Variants in CARMIL2 observed in about 807,000 individuals in gnomAD.
CARMIL2 encodes the protein capping protein, Arp2/3 and myosin-I linker protein 2.
CARMIL2 carries 96 observed loss-of-function variants against 173.3 expected under a neutral mutation model. The ratio of observed to expected loss-of-function variants is 0.55; its 90% CI spans 0.47 to 0.66. CARMIL2 has a LOEUF of 0.66. Ranked by LOEUF, CARMIL2 falls within the 30% of genes least tolerant of loss-of-function variation. CARMIL2 has a pLI of 0.00. For synonymous variants in CARMIL2, 830 were observed against 817.1 expected, an observed-to-expected ratio of 1.02 and a Z score of -0.27; for missense variants, 1,771 against 1,906.7, an observed-to-expected ratio of 0.93 and a Z score of 1.33.
rs758142129 is a variant in CARMIL2, at chr16:67,654,337, C to A, written c.3227C>A (p.Ala1076Asp). 1.3e-6 allele frequency: 2 copies of A among 1,590,806 alleles called. No homozygotes were observed. Among genetic ancestry groups the A allele is most frequent in the South Asian group, 2.3e-5 (2 of 87,540 alleles). ...ACTGCTGGGTGTCCCCACAGCTGGG[C>A]CCCCGAGGAGGACCCGGCCACTGAG... ...KRLIQQDRLW[A>D]PEEDPATEGG... The change falls in exon 31 of 38, where the codon GCC becomes GAC. Residue 1076 changes from alanine (A) to aspartate (D), a missense_variant. Around this residue, in one of 3 missense-constraint regions of CARMIL2, gnomAD observed 817 missense variants for 903.5 expected, o/e 0.90. Coordinates refer to ENST00000334583, the MANE Select transcript of CARMIL2 (RefSeq NM_001013838.3).
In CARMIL2 at chr16:67,654,142, C is replaced by T. The variant is rs1205185731; in HGVS notation, c.3121-7C>T. On this transcript the variant is annotated splice_region_variant and splice_polypyrimidine_tract_variant and intron_variant, in intron 29 of 37. Transcript: ENST00000334583. ...ACCCTGACCCCTGACCCCATGATGCCCCCCAGGTACCCCCAGCCTTGCCGC... is the reference window on the plus strand; with the variant it reads ...ACCCTGACCCCTGACCCCATGATGCTCCCCAGGTACCCCCAGCCTTGCCGC... 6.5e-7 allele frequency: 1 copy of T among 1,544,644 alleles called. No homozygotes were observed. The highest frequency in any genetic ancestry group is 8.7e-7 in the Non-Finnish European group (1 of 1,144,302).
chr16:67,652,671 G>A lies in CARMIL2; in HGVS notation c.2884+133G>A. The A allele has an allele frequency of 2.3e-6, 2 of 872,506 alleles. No individual in the cohort carries two copies. Among genetic ancestry groups the A allele is most frequent in the Non-Finnish European group, 3.6e-6 (2 of 562,778 alleles). The allele number at this position is 872,506 out of a possible 1,614,324, so 54.0% of individuals were successfully genotyped here. A position where few individuals can be genotyped will look rare whatever the true frequency, so the allele number is the denominator to read the frequency against. On this transcript the variant is annotated intron_variant, in intron 28 of 37. Coordinates refer to ENST00000334583, the MANE Select transcript of CARMIL2 (RefSeq NM_001013838.3). This position sits in a 1 kb window ranked among gnomAD's most constrained non-coding sequence, Gnocchi z 4.7. ...ACCAGCCCTTGACTGGGCCAGGTCG[G>A]GCCCCTTGTGCAACCTGCAAAGCTG...
Position 67,657,175 on chromosome 16 carries a change from G to A in CARMIL2, c.4118-64G>A, listed in dbSNP as rs1473869402. ...TTATGTGCACTGGAGGTGGAAGAGA[G>A]GGGCAGGGGATGGACAGACCCCAAG... On this transcript the variant is annotated intron_variant, in intron 36 of 37. Coordinates refer to ENST00000334583, the MANE Select transcript of CARMIL2 (RefSeq NM_001013838.3). The surrounding 1 kb of genome is among the most constrained non-coding windows in gnomAD (Gnocchi z 4.5). 4.9e-6 allele frequency: 7 copies of A among 1,427,458 alleles called. No individual in the cohort carries two copies. Among genetic ancestry groups the A allele is most frequent in the African/African-American group, 1.4e-5 (1 of 71,040 alleles). 88.4% of individuals were successfully genotyped at this position (1,427,458 alleles called of 1,614,324 possible). A position where few individuals can be genotyped will look rare whatever the true frequency, so the allele number is the denominator to read the frequency against.
In CARMIL2 at chr16:67,647,674, C is replaced by G; in HGVS notation, c.872-6C>G. 3 of 1,600,346 alleles carry G rather than the reference C, an allele frequency of 1.9e-6. No homozygotes were observed. Among genetic ancestry groups the G allele is most frequent in the Non-Finnish European group, 2.6e-6 (3 of 1,174,492 alleles). ...GAGACCCACGTGGCTGTTCCCACCC[C>G]CCAAGGCATGACTGCACTCAGCAGA... On this transcript the variant is annotated splice_region_variant and splice_polypyrimidine_tract_variant and intron_variant, in intron 11 of 37. Coordinates refer to ENST00000334583, the MANE Select transcript of CARMIL2 (RefSeq NM_001013838.3).
At chr16:67,656,392 C>T (rs1326883002) in intron 34 of CARMIL2, 32 bp from the exon 35 acceptor site, 1 of 1,607,392 alleles carries the variant, frequency 6.2e-7, no homozygotes, top group Non-Finnish European at 8.5e-7. Flanking sequence ...CAATGCCTGA[C>T]CAGGTCTTGG....
chr16:67,648,081 C>A lies in CARMIL2; in HGVS notation c.1101C>A (p.Asn367Lys). The change falls in exon 14 of 38, where the codon AAC (asparagine) becomes AAA (lysine). Residue 367 changes from asparagine (N) to lysine (K), a missense_variant. Physicochemically the swap from Asn to Lys is moderately conservative, Grantham distance 94 (BLOSUM62 0). Coordinates refer to ENST00000334583, the MANE Select transcript of CARMIL2 (RefSeq NM_001013838.3). This position sits in a 1 kb window ranked among gnomAD's most constrained non-coding sequence, Gnocchi z 6.1. ...TCTATAGCTTCCTGAGCCGTCCTAA[C>A]GTACTGTCGTTCCTGAATCTCGCAG... The part of the protein sequence containing the change: ...GGLYSFLSRP[N>K]VLSFLNLAGT... 1 of 1,612,780 alleles carries A rather than the reference C, an allele frequency of 6.2e-7. No individual in the cohort carries two copies. Among genetic ancestry groups the A allele is most frequent in the Non-Finnish European group, 8.5e-7 (1 of 1,179,498 alleles).
Position 67,647,381 on chromosome 16 carries a change from TGA to T in CARMIL2, c.772_773del (p.Arg258GlyfsTer31). 6.4e-7 allele frequency: 1 copy of T among 1,573,814 alleles called. No individual in the cohort carries two copies. Among genetic ancestry groups the T allele is most frequent in the Non-Finnish European group, 8.6e-7 (1 of 1,159,542 alleles). On this transcript the variant is annotated frameshift_variant, in exon 10 of 38. Coordinates refer to ENST00000334583, the MANE Select transcript of CARMIL2 (RefSeq NM_001013838.3). LOFTEE classifies it high-confidence loss of function. ...GAGCTGGTGCTGGAGACCTGCAGCC[TGA>T]GGGGGTGAGGGGGACAGGGCAGGGC... is the stretch of plus-strand genomic sequence containing the variant.
In CARMIL2 at chr16:67,653,179, C is replaced by T; in HGVS notation, c.3045C>T (p.Pro1015=). ...TGGACCTGCCACTGGCGGGGCAGCC[C>T]CTGCGCCATCCGACCCGGGCCCGGC... ...PRMDLPLAGQ[P]LRHPTRARPR... Residue 1015 remains proline (P), a synonymous_variant, in exon 29 of 38, where the codon CCC becomes CCT. Coordinates refer to ENST00000334583, the MANE Select transcript of CARMIL2 (RefSeq NM_001013838.3). The surrounding 1 kb of genome is among the most constrained non-coding windows in gnomAD (Gnocchi z 7.4). The T allele has an allele frequency of 1.8e-6, 2 of 1,114,402 alleles. No individual in the cohort carries two copies. Among genetic ancestry groups the T allele is most frequent in the South Asian group, 8.6e-5 (2 of 23,374 alleles). The allele number at this position is 1,114,402 out of a possible 1,614,324, so 69.0% of individuals were successfully genotyped here.
rs774903676 is a variant in CARMIL2, at chr16:67,646,825, G to C, written c.537+41G>C. 2 of 1,612,510 alleles carry C rather than the reference G, an allele frequency of 1.2e-6. No homozygotes were observed. Among genetic ancestry groups the C allele is most frequent in the Admixed American group, 1.7e-5 (1 of 60,020 alleles). Reference sequence around the variant, plus strand: ...TTTTGAAGGGCTCTGGAGACATCTGGTCCCCCATGTGTGCTGAGCCCCTCC... The same window carrying C: ...TTTTGAAGGGCTCTGGAGACATCTGCTCCCCCATGTGTGCTGAGCCCCTCC... On this transcript the variant is annotated intron_variant, in intron 7 of 37. Coordinates refer to ENST00000334583, the MANE Select transcript of CARMIL2 (RefSeq NM_001013838.3). The surrounding 1 kb of genome is among the most constrained non-coding windows in gnomAD (Gnocchi z 4.6).
At position 67,647,196 on chromosome 16, in the gene CARMIL2, G is replaced by C. The variant is rs1210872017; in HGVS notation, c.687+5G>C. The C allele has an allele frequency of 6.2e-6, 10 of 1,613,732 alleles. No individual in the cohort carries two copies. The highest frequency in any genetic ancestry group is 8.5e-6 in the Non-Finnish European group (10 of 1,179,886). On this transcript the variant is annotated splice_donor_5th_base_variant and intron_variant, in intron 9 of 37. Transcript: ENST00000334583. ...TCCTGTGTGGACATGAAGCTGGTGA[G>C]GGGGTTCGGGGTAAGGGCAGGGAGG...
In CARMIL2 at chr16:67,654,782, G is replaced by A. The variant is rs199924683; in HGVS notation, c.3587G>A (p.Arg1196Gln). 36 of 1,613,372 alleles carry A rather than the reference G, an allele frequency of 2.2e-5. No individual in the cohort carries two copies. Among genetic ancestry groups the A allele is most frequent in the African/African-American group, 2.1e-4 (16 of 75,078 alleles). The part of the protein sequence containing the change: ...ATLGARPDKR[R>Q]PLERGETELA... ...CTCGAGCATCTCTGTCCCTAGCGGC[G>A]GCCCCTGGAGCGGGGAGAAACAGAA... The change falls in exon 32 of 38, where the codon CGG (arginine) becomes CAG (glutamine). Residue 1196 changes from arginine (R) to glutamine (Q), a missense_variant. Physicochemically the swap from Arg to Gln is conservative, Grantham distance 43. Transcript: ENST00000334583.
Position 67,651,557 on chromosome 16 carries a change from T to C in CARMIL2, c.2427+43T>C, listed in dbSNP as rs1305693285. 6.4e-7 allele frequency: 1 copy of C among 1,564,588 alleles called. No individual in the cohort carries two copies. The highest frequency in any genetic ancestry group is 1.4e-5 in the African/African-American group (1 of 73,808). On this transcript the variant is annotated intron_variant, in intron 24 of 37. Transcript: ENST00000334583. This position sits in a 1 kb window ranked among gnomAD's most constrained non-coding sequence, Gnocchi z 4.2. ...CCCCAACCCCACCTCCGTTTGCAGG[T>C]TTGACTCCCATCCTTTAGTTTTAAC...
rs1416649399 is a variant in CARMIL2, at chr16:67,654,684, C to A, written c.3574C>A (p.Pro1192Thr). The A allele has an allele frequency of 6.3e-7, 1 of 1,591,984 alleles. No individual in the cohort carries two copies. The highest frequency in any genetic ancestry group is 8.6e-7 in the Non-Finnish European group (1 of 1,168,012). The change falls in exon 31 of 38, where the codon CCC becomes ACC. Residue 1192 changes from proline to threonine, a missense_variant. By Grantham distance (38) the Pro-to-Thr change is conservative. This residue lies in a region of CARMIL2 where 817 missense variants were observed against 903.5 expected (regional missense o/e 0.90). Transcript: ENST00000334583. Reference sequence around the variant, plus strand: ...GGAGGAGGCAACGCTGGGTGCCAGACCCGACAAGGTGAGGCTTGCTGATGG... The same window carrying A: ...GGAGGAGGCAACGCTGGGTGCCAGAACCGACAAGGTGAGGCTTGCTGATGG... ...AEEEATLGAR[P>T]DKRRPLERGE...
Position 67,657,273 on chromosome 16 carries a change from C to A in CARMIL2, c.4152C>A (p.Leu1384=). ...RPLRLQRSPV[L]KRRPKLEAPP... ...TGAGGCTGCAGCGCTCCCCCGTCCT[C>A]AAACGCAGGCCAAAACTCGAGGCAC... Residue 1384 remains leucine, a synonymous_variant, in exon 37 of 38, where the codon CTC becomes CTA. Transcript: ENST00000334583. The surrounding 1 kb of genome is among the most constrained non-coding windows in gnomAD (Gnocchi z 4.5). The A allele has an allele frequency of 6.2e-7, 1 of 1,613,834 alleles. No homozygotes were observed.
At position 67,657,278 on chromosome 16, in the gene CARMIL2, G is replaced by C. The variant is rs867155152; in HGVS notation, c.4157G>C (p.Arg1386Pro). 1 of 1,613,734 alleles carries C rather than the reference G, an allele frequency of 6.2e-7. No homozygotes were observed. Among genetic ancestry groups the C allele is most frequent in the Admixed American group, 1.7e-5 (1 of 59,996 alleles). The stretch of plus-strand genomic sequence containing the variant: ...CTGCAGCGCTCCCCCGTCCTCAAAC[G>C]CAGGCCAAAACTCGAGGCACCTCCA... ...LRLQRSPVLK[R>P]RPKLEAPPSP... Residue 1386 changes from arginine (R) to proline (P), a missense_variant, in exon 37 of 38, where the codon CGC becomes CCC. This residue lies in a region of CARMIL2 where 817 missense variants were observed against 903.5 expected (regional missense o/e 0.90). Coordinates refer to ENST00000334583, the MANE Select transcript of CARMIL2 (RefSeq NM_001013838.3). The surrounding 1 kb of genome is among the most constrained non-coding windows in gnomAD (Gnocchi z 4.5).
In CARMIL2 at chr16:67,655,819, A is replaced by G. The variant is rs183942085; in HGVS notation, c.3706-212A>G. Among the ~76,000 whole-genome samples, 4 of 152,340 alleles carry G rather than the reference A, an allele frequency of 2.6e-5. No homozygotes were observed. The East Asian group carries it at 7.7e-4, about 29-fold the overall frequency. On this transcript the variant is annotated intron_variant, in intron 32 of 37. Coordinates refer to ENST00000334583, the MANE Select transcript of CARMIL2 (RefSeq NM_001013838.3). ...CATCCATTCAATATCTTAAAAAACA[A>G]AAAACAAAAACAAACAAAAAACATG... is the stretch of plus-strand genomic sequence containing the variant.
Position 67,657,517 on chromosome 16 carries a change from G to A in CARMIL2, c.4307G>A (p.Ter1436=). 3 of 1,613,440 alleles carry A rather than the reference G, an allele frequency of 1.9e-6. No individual in the cohort carries two copies. Among genetic ancestry groups the A allele is most frequent in the South Asian group, 2.2e-5 (2 of 91,036 alleles). ...CAAAGAGGCGGCGGCCCCAATCCCTGATCCTCTCCTCTCCTGCCGCATGAG... is the reference window on the plus strand; with the variant it reads ...CAAAGAGGCGGCGGCCCCAATCCCTAATCCTCTCCTCTCCTGCCGCATGAG... ...TDQRGGGPNP[*] Residue 1436 remains the stop codon, a stop_retained_variant, in exon 38 of 38, where the codon TGA becomes TAA. Transcript: ENST00000334583. The surrounding 1 kb of genome is among the most constrained non-coding windows in gnomAD (Gnocchi z 4.5).
At position 67,648,769 on chromosome 16, in the gene CARMIL2, C is replaced by A. The variant is rs2052653167; in HGVS notation, c.1509+15C>A. 4 of 1,592,508 alleles carry A rather than the reference C, an allele frequency of 2.5e-6. No homozygotes were observed. Among genetic ancestry groups the A allele is most frequent in the Non-Finnish European group, 3.4e-6 (4 of 1,170,296 alleles). On this transcript the variant is annotated intron_variant, in intron 16 of 37. Transcript: ENST00000334583. The surrounding 1 kb of genome is among the most constrained non-coding windows in gnomAD (Gnocchi z 6.1). Reference sequence around the variant, plus strand: ...GCGCTTGCGAGGTGAGCGCCGGCCCCCAGAAGAGACCACACATTGGGAGAG... The same window carrying A: ...GCGCTTGCGAGGTGAGCGCCGGCCCACAGAAGAGACCACACATTGGGAGAG...
chr16:67,647,335 A>G lies in CARMIL2; in HGVS notation c.724A>G (p.Ser242Gly). ...CTCAGAACAGATTCTGCACATGATG[A>G]GTCAGTCATCACACCTGGAGGAGCT... ...EVSEQILHMM[S>G]QSSHLEELVL... Residue 242 changes from serine to glycine, a missense_variant, in exon 10 of 38, where the codon AGT (serine) becomes GGT (glycine). Ser to Gly is a moderately conservative substitution (Grantham distance 56). This residue lies in a region of CARMIL2 where 944 missense variants were observed against 975.6 expected (regional missense o/e 0.97). Transcript: ENST00000334583. 6.3e-7 allele frequency: 1 copy of G among 1,592,300 alleles called. No individual in the cohort carries two copies. The highest frequency in any genetic ancestry group is 8.6e-7 in the Non-Finnish European group (1 of 1,169,484).
Sources: gnomAD v4.1 joint callset for allele counts (sites outside exome capture counted in the v4.1 genomes callset) on GRCh38, gnomAD v4.1.1 for gene constraint, gnomAD v4.1.1 regional missense constraint, Gnocchi (gnomAD v3.1) non-coding constraint, MANE v1.5 for transcripts, NCBI Gene and HGNC (gene_info 2026-07-23, HGNC 2026-07-21) for gene names.